WWOX: variants seen among roughly 807,000 people sequenced by gnomAD.
WWOX encodes the protein WW domain containing oxidoreductase.
In WWOX, 69 loss-of-function variants were observed where a neutral mutation model predicts 46.2. The observed-to-expected ratio is 1.49, with a 90% CI of 1.23 to 1.82. The LOEUF (loss-of-function observed/expected upper bound fraction) is 1.82, where lower values mean the gene tolerates loss of function less well. Among genes scored for constraint, WWOX ranks in the 40% most tolerant of loss-of-function variants. The pLI, the probability that WWOX is intolerant of heterozygous loss-of-function variation, is 0.00. For synonymous variants in WWOX, 359 were observed against 202.6 expected, an observed-to-expected ratio of 1.77 and a Z score of -6.56; for missense variants, 919 against 542.6, an observed-to-expected ratio of 1.69 and a Z score of -6.89.
chr16:79,066,781 A>C (rs2048449808), intron 8 of WWOX, among the ~76,000 whole-genome samples: 1 of 152,210 alleles, frequency 6.6e-6, no homozygotes, highest in Non-Finnish European at 1.5e-5. Flanking sequence ...TCCCTCTGGC[A>C]ATGGTCCAGG....
In WWOX at chr16:78,316,720, A is replaced by G. The variant is rs576093022; in HGVS notation, c.517-70140A>G. Among the ~76,000 whole-genome samples, 11 of 152,216 alleles carry G rather than the reference A, an allele frequency of 7.2e-5. No homozygotes were observed. The South Asian group carries it at 2.3e-3, about 32-fold the overall frequency. ...TTTCTGCTGCTTTATCCAACTTTGCAATCTATAAGCTTCTGTTACTGGAAA... is the reference window on the plus strand; with the variant it reads ...TTTCTGCTGCTTTATCCAACTTTGCGATCTATAAGCTTCTGTTACTGGAAA... On this transcript the variant is annotated intron_variant, in intron 5 of 8. Transcript: ENST00000566780.
chr16:78,865,554 A>T (rs2043985245), intron 8 of WWOX, among the ~76,000 whole-genome samples: 1 of 152,280 alleles, frequency 6.6e-6, no homozygotes, highest in East Asian at 1.9e-4. Flanking sequence ...GTGAGAATGA[A>T]TTGAGGCAAG....
intron 8 of WWOX, among the ~76,000 whole-genome samples, chr16:79,025,443 C>G (rs950233765): frequency 2.6e-5 from 4 of 152,126 alleles, no homozygotes; most frequent in Non-Finnish European, 5.9e-5. Flanking sequence ...CAGGTGTTTT[C>G]AGCAGAGACA....
At chr16:78,430,025 A>T (rs56893368) in intron 7 of WWOX, among the ~76,000 whole-genome samples, 3,078 of 152,314 alleles carry the variant, frequency 0.02, 102 homozygotes, top group African/African-American at 0.069. Context: ...GCTAAGAAAG[A>T]CATACCCGAG....
chr16:78,422,886 TA>T lies in WWOX; in HGVS notation c.606-1983del, dbSNP rs1261297069. On this transcript the variant is annotated intron_variant, in intron 6 of 8. Transcript: ENST00000566780. ...ACACACACACACACACACACACACA[TA>T]TATTTTTTTTTTCTTTTAGATGGAG... Among the ~76,000 whole-genome samples, 279 of 125,146 alleles carry T rather than the reference TA, an allele frequency of 2.2e-3. 32 individuals carry two copies. The highest frequency in any genetic ancestry group is 9.4e-3 in the African/African-American group (268 of 28,444). The allele number at this position is 125,146 out of a possible 152,430, so 82.1% of individuals were successfully genotyped here. A position where few individuals can be genotyped will look rare whatever the true frequency, so the allele number is the denominator to read the frequency against.
At chr16:78,841,100 TA>T (rs1220051667) in intron 8 of WWOX, among the ~76,000 whole-genome samples, 1 of 152,132 alleles carries the variant, frequency 6.6e-6, no homozygotes, top group Non-Finnish European at 1.5e-5. Flanking sequence ...TTCATTTCGG[TA>T]AAAAACTTGT....
chr16:78,937,448 C>CTTTTTTTTTT (rs537642648), intron 8 of WWOX, among the ~76,000 whole-genome samples: 1 of 81,994 alleles, frequency 1.2e-5, no homozygotes, highest in Non-Finnish European at 2.2e-5. Context: ...TTTGTATTAA[C>CTTTTTTTTTT]TTTTTTTTTT....
intron 8 of WWOX, among the ~76,000 whole-genome samples, chr16:78,795,269 A>G (rs1042280582): frequency 1.6e-4 from 25 of 152,186 alleles, no homozygotes; most frequent in African/African-American, 5.8e-4. Context: ...AAAGGCATAA[A>G]TACTTTATAT....
chr16:79,121,494 C>G (rs1188910260), intron 8 of WWOX, among the ~76,000 whole-genome samples: 1 of 152,190 alleles, frequency 6.6e-6, no homozygotes, highest in Non-Finnish European at 1.5e-5. Context: ...CTGTTCGGCT[C>G]TGTTTACGGG....
At chr16:78,421,208 C>G (rs567716876) in intron 6 of WWOX, among the ~76,000 whole-genome samples, 8 of 152,306 alleles carry the variant, frequency 5.3e-5, no homozygotes, top group East Asian at 1.9e-4. Context: ...GAATTTTACT[C>G]TCTTACAGTT....
At chr16:79,142,707 G>T (rs2050113111) in intron 8 of WWOX, among the ~76,000 whole-genome samples, 1 of 151,984 alleles carries the variant, frequency 6.6e-6, no homozygotes, top group East Asian at 1.9e-4. Context: ...TTTTTGTTTT[G>T]TTTCTTTTTG....
chr16:78,399,766 C>T (rs1014145655), intron 6 of WWOX, among the ~76,000 whole-genome samples: 12 of 151,402 alleles, frequency 7.9e-5, no homozygotes, highest in African/African-American at 2.9e-4. Flanking sequence ...CCTAACCACC[C>T]TCATTGTCAC....
chr16:78,196,105 C>A (rs369668040), intron 5 of WWOX, among the ~76,000 whole-genome samples: 2 of 152,228 alleles, frequency 1.3e-5, no homozygotes, highest in African/African-American at 4.8e-5. Context: ...TGCAGATGAT[C>A]AAGTGGAATT....
At chr16:78,827,409 G>T (rs1460563878) in intron 8 of WWOX, among the ~76,000 whole-genome samples, 5 of 152,110 alleles carry the variant, frequency 3.3e-5, no homozygotes, top group African/African-American at 1.2e-4. Flanking sequence ...TGGAGTCTCT[G>T]TGGCTCCAGG....
intron 5 of WWOX, among the ~76,000 whole-genome samples, chr16:78,372,948 G>A (rs764444743): frequency 5.9e-5 from 9 of 152,112 alleles, no homozygotes; most frequent in South Asian, 2.1e-4. Context: ...ATATGCTACT[G>A]GGCTGAATTA....
chr16:78,102,094 CAT>C (rs1193806818), intron 1 of WWOX, among the ~76,000 whole-genome samples: 3 of 152,094 alleles, frequency 2.0e-5, no homozygotes, highest in African/African-American at 7.2e-5. Context: ...CTAATTATTA[CAT>C]GTTTTGTAGA....
chr16:78,362,917 T>A (rs1368387715), intron 5 of WWOX, among the ~76,000 whole-genome samples: 1 of 152,198 alleles, frequency 6.6e-6, no homozygotes, highest in Non-Finnish European at 1.5e-5. Flanking sequence ...CAGAATGTTA[T>A]CCTGCTCAGA....
intron 8 of WWOX, among the ~76,000 whole-genome samples, chr16:79,201,907 A>G (rs454120): frequency 0.43 from 65,502 of 151,396 alleles, 17,655 homozygotes; most frequent in Non-Finnish European, 0.61. Context: ...AGGAAAAAGA[A>G]GAATTTTCAT....
At chr16:78,123,057 A>G (rs1271619463) in intron 4 of WWOX, among the ~76,000 whole-genome samples, 17 of 151,964 alleles carry the variant, frequency 1.1e-4, no homozygotes, top group Admixed American at 1.1e-3. Context: ...TCTTGCTTTC[A>G]TTTTGGTTAA....
Sources: allele counts gnomAD v4.1 joint callset (sites outside exome capture counted in the v4.1 genomes callset), GRCh38; gene constraint gnomAD v4.1.1; transcripts MANE v1.5; gene names NCBI Gene and HGNC (gene_info 2026-07-23, HGNC 2026-07-21).